The following DGCR2 variants were observed in gnomAD, a reference collection of about 807,000 sequenced individuals.
DGCR2 encodes the protein integral membrane protein DGCR2/IDD.
In DGCR2, 24 loss-of-function variants were observed where a neutral mutation model predicts 51.6. The observed-to-expected ratio is 0.47, with a 90% CI of 0.34 to 0.65. The LOEUF is 0.65. Among genes scored for constraint, DGCR2 ranks in the 30% least tolerant of loss-of-function variants. The probability of loss-of-function intolerance (pLI) is 0.01; values close to 1 mark genes in which losing one functional copy is unlikely to be tolerated. For missense variants in DGCR2, 765 were observed against 772.1 expected (o/e 0.99, Z 0.11); for synonymous variants, 340 against 315.4 (o/e 1.08, Z -0.82).
chr22:19,062,800 C>CTCAT (rs2082692819), intron 5 of DGCR2, among the ~76,000 whole-genome samples: 1 of 146,142 alleles, frequency 6.8e-6, no homozygotes, highest in Non-Finnish European at 1.6e-5. Context: ...CTCTCTCTCT[C>CTCAT]TCTCTCTATC....
At position 19,045,783 on chromosome 22, in the gene DGCR2, G is replaced by C. The variant is rs189747900; in HGVS notation, c.1006+2657C>G. Among the ~76,000 whole-genome samples, 129 of 152,292 alleles carry C rather than the reference G, an allele frequency of 8.5e-4. 1 individual carries two copies. The highest frequency in any genetic ancestry group is 2.4e-3 in the Admixed American group (37 of 15,298). On this transcript the variant is annotated intron_variant, in intron 7 of 9. Transcript: ENST00000263196. ...GCTCTGTCACCCAGGCTGGAGTACA[G>C]TGGCGTGATCTCAGCTCACTGTAAC...
chr22:19,061,779 C>G (rs901231529), intron 5 of DGCR2: 8 of 152,214 alleles, frequency 5.3e-5, no homozygotes. Context: ...ACATGGTCAC[C>G]TCCGTGGAGC....
intron 5 of DGCR2, among the ~76,000 whole-genome samples, chr22:19,062,634 T>G (rs1315897100): frequency 6.6e-6 from 1 of 151,826 alleles, no homozygotes; most frequent in Non-Finnish European, 1.5e-5. Context: ...AGCTCGCCAG[T>G]GCCAGGGCAA....
intron 1 of DGCR2, among the ~76,000 whole-genome samples, chr22:19,120,530 C>T (rs2083420915): frequency 6.6e-6 from 1 of 152,164 alleles, no homozygotes; most frequent in Non-Finnish European, 1.5e-5. Flanking sequence ...TCAGTTGCTG[C>T]TGGCCAGTTG....
intron 1 of DGCR2, among the ~76,000 whole-genome samples, chr22:19,094,742 T>C (rs2146022304): frequency 6.6e-6 from 1 of 152,294 alleles, no homozygotes; most frequent in African/African-American, 2.4e-5. Context: ...ACAGTGTCTA[T>C]CAAGAAGCAA....
intron 2 of DGCR2, among the ~76,000 whole-genome samples, chr22:19,080,080 T>C (rs1415544051): frequency 2.0e-5 from 3 of 152,220 alleles, no homozygotes; most frequent in South Asian, 4.1e-4. Flanking sequence ...CCAGTGTCTC[T>C]AGAAAAGACT....
intron 6 of DGCR2, chr22:19,056,544 C>T: frequency 2.6e-6 from 1 of 380,076 alleles, no homozygotes; most frequent in Non-Finnish European, 4.8e-6. Context: ...ATAGAGTTAG[C>T]TGGCTTTAAT....
chr22:19,056,411 C>T, intron 6 of DGCR2: 2 of 478,568 alleles, frequency 4.2e-6, no homozygotes, highest in Non-Finnish European at 7.6e-6. Flanking sequence ...AGCCTCTCCC[C>T]AACCTGCGCA....
At chr22:19,099,545 T>C (rs903352988) in intron 1 of DGCR2, among the ~76,000 whole-genome samples, 1 of 152,100 alleles carries the variant, frequency 6.6e-6, no homozygotes, top group South Asian at 2.1e-4. Context: ...ATCACACCAC[T>C]GTACTCCAAC....
intron 1 of DGCR2, among the ~76,000 whole-genome samples, chr22:19,110,327 G>A (rs1303918214): frequency 1.3e-5 from 2 of 152,186 alleles, no homozygotes; most frequent in East Asian, 1.9e-4. Context: ...AACAGGCTGC[G>A]GGGAAGTGTC....
At chr22:19,082,375 A>G (rs933671697) in intron 2 of DGCR2, among the ~76,000 whole-genome samples, 1 of 151,856 alleles carries the variant, frequency 6.6e-6, no homozygotes, top group Admixed American at 6.6e-5. Context: ...GTGTCTTTCA[A>G]TAAACGAGAG....
chr22:19,070,178 G>A (rs1001072559), intron 2 of DGCR2, among the ~76,000 whole-genome samples: 5 of 152,144 alleles, frequency 3.3e-5, no homozygotes, highest in South Asian at 2.1e-4. Flanking sequence ...CCACAGACTC[G>A]CTGGTAGCTC....
intron 1 of DGCR2, among the ~76,000 whole-genome samples, chr22:19,098,532 GTA>G (rs969114422): frequency 1.3e-5 from 2 of 152,202 alleles, no homozygotes; most frequent in African/African-American, 4.8e-5. Context: ...CCAGTTGCAG[GTA>G]TAGTTTGCCA....
chr22:19,062,821 T>C (rs1248754161), intron 5 of DGCR2, among the ~76,000 whole-genome samples: 1 of 147,462 alleles, frequency 6.8e-6, no homozygotes, highest in Admixed American at 6.7e-5. Context: ...TGCCTGATAG[T>C]TTCCTTCAGG....
chr22:19,108,100 C>G (rs2083277228), intron 1 of DGCR2, among the ~76,000 whole-genome samples: 2 of 152,108 alleles, frequency 1.3e-5, no homozygotes, highest in Admixed American at 1.3e-4. Context: ...GGAGGAGAAC[C>G]ATAAGGTGTC....
Position 19,057,188 on chromosome 22 carries a change from T to G in DGCR2, c.626-26A>C. 3.2e-6 allele frequency: 5 copies of G among 1,575,012 alleles called. No individual in the cohort carries two copies. The highest frequency in any genetic ancestry group is 4.3e-6 in the Non-Finnish European group (5 of 1,159,874). ...CTGTTGGGGAGACAAAAGGTGGGGCTGGACAACATCACATCAGAGGACAAG... is the reference window on the plus strand; with the variant it reads ...CTGTTGGGGAGACAAAAGGTGGGGCGGGACAACATCACATCAGAGGACAAG... On this transcript the variant is annotated intron_variant, in intron 5 of 9. Transcript: ENST00000263196. This position sits in a 1 kb window ranked among gnomAD's most constrained non-coding sequence, Gnocchi z 5.1.
intron 2 of DGCR2, among the ~76,000 whole-genome samples, chr22:19,071,595 G>A (rs1017088852): frequency 1.3e-5 from 2 of 152,144 alleles, no homozygotes; most frequent in Admixed American, 6.5e-5. Flanking sequence ...CATGAAAGAC[G>A]CCCAAAGCCC....
chr22:19,076,875 G>T (rs924545195), intron 2 of DGCR2, among the ~76,000 whole-genome samples: 1 of 151,464 alleles, frequency 6.6e-6, no homozygotes, highest in Non-Finnish European at 1.5e-5. Context: ...GAACTAAGGC[G>T]CCCGCCACCA....
chr22:19,062,770 T>TTC (rs1555903859), intron 5 of DGCR2, among the ~76,000 whole-genome samples: 10 of 119,542 alleles, frequency 8.4e-5, no homozygotes, highest in Middle Eastern at 4.3e-3. Context: ...CACACACACA[T>TTC]GCATGCTCAC....
Sources: gnomAD v4.1 joint callset for allele counts (sites outside exome capture counted in the v4.1 genomes callset) on GRCh38, gnomAD v4.1.1 for gene constraint, Gnocchi (gnomAD v3.1) non-coding constraint, MANE v1.5 for transcripts, NCBI Gene and HGNC (gene_info 2026-07-23, HGNC 2026-07-21) for gene names.